PAPLN: variants seen among roughly 807,000 people sequenced by gnomAD.
The protein encoded by PAPLN is papilin, proteoglycan like sulfated glycoprotein.
PAPLN carries 146 observed loss-of-function variants against 159.0 expected under a neutral mutation model. The observed-to-expected ratio is 0.92, with a 90% CI of 0.80 to 1.05. The LOEUF (loss-of-function observed/expected upper bound fraction) is 1.05. Ranked by LOEUF, PAPLN falls within the 50% of genes least tolerant of loss-of-function variation. The probability of loss-of-function intolerance (pLI) is 0.00; values close to 1 mark genes in which losing one functional copy is unlikely to be tolerated. For synonymous variants in PAPLN, 734 were observed against 702.9 expected (o/e 1.04, Z -0.70); for missense variants, 1,720 against 1,743.9 (o/e 0.99, Z 0.24).
At chr14:73,239,941 CT>C in intron 2 of PAPLN, 109 bp downstream of exon 2, 2 of 1,449,782 alleles carry the variant, frequency 1.4e-6, no homozygotes, top group Non-Finnish European at 9.1e-7. Flanking sequence ...GTCAGGGAAG[CT>C]GGGCTGGGAG....
intron 5 of PAPLN, among the ~76,000 whole-genome samples, chr14:73,246,610 T>C (rs567607495): frequency 6.6e-6 from 1 of 150,796 alleles, no homozygotes; most frequent in Non-Finnish European, 1.5e-5. Context: ...CTTCCTTTCC[T>C]TTCCTTTTTT....
In PAPLN at chr14:73,263,998, C is replaced by G. The variant is rs902642151; in HGVS notation, c.2862-213C>G. Reference sequence around the variant, plus strand: ...CAGGTGTGTGTGACAGCCCCCCGACCTCCTCTGACAGGTTCACGTGACAGC... The same window carrying G: ...CAGGTGTGTGTGACAGCCCCCCGACGTCCTCTGACAGGTTCACGTGACAGC... On this transcript the variant is annotated intron_variant, in intron 20 of 26. Coordinates refer to ENST00000644200, the MANE Select transcript of PAPLN (RefSeq NM_001365906.3). 5.9e-5 allele frequency: 89 copies of G among 1,514,930 alleles called. 1 individual carries two copies. Among genetic ancestry groups the G allele is most frequent in the Non-Finnish European group, 7.6e-5 (86 of 1,135,464 alleles). The allele number at this position is 1,514,930 out of a possible 1,614,324, so 93.8% of individuals were successfully genotyped here. A position where few individuals can be genotyped will look rare whatever the true frequency, so the allele number is the denominator to read the frequency against.
chr14:73,245,358 CG>C lies in PAPLN; in HGVS notation c.171-275del. ...GGTGGGTATTATATCTCATGCACCT[CG>C]GGTCTTCTCTGGGAATCTGCCTAAG... On this transcript the variant is annotated intron_variant, in intron 3 of 26. Transcript: ENST00000644200. The surrounding 1 kb of genome is among the most constrained non-coding windows in gnomAD (Gnocchi z 4.2). 1 of 490,516 alleles carries C rather than the reference CG, an allele frequency of 2.0e-6. No individual in the cohort carries two copies. Among genetic ancestry groups the C allele is most frequent in the Non-Finnish European group, 3.7e-6 (1 of 271,322 alleles). The allele number at this position is 490,516 out of a possible 1,614,324, so 30.4% of individuals were successfully genotyped here.
chr14:73,239,489 T>A, intron 1 of PAPLN: 1 of 446,624 alleles, frequency 2.2e-6, no homozygotes, highest in South Asian at 4.2e-5. Flanking sequence ...GAAGTATTTT[T>A]AATTGCTCTC....
In PAPLN at chr14:73,261,268, A is replaced by G. The variant is rs749685493; in HGVS notation, c.2219A>G (p.Glu740Gly). 2 of 1,613,576 alleles carry G rather than the reference A, an allele frequency of 1.2e-6. No individual in the cohort carries two copies. Among genetic ancestry groups the G allele is most frequent in the Non-Finnish European group, 1.7e-6 (2 of 1,179,952 alleles). Residue 740 changes from glutamate (E) to glycine (G), a missense_variant, in exon 18 of 27, where the codon GAA (glutamate) becomes GGA (glycine). Coordinates refer to ENST00000644200, the MANE Select transcript of PAPLN (RefSeq NM_001365906.3). Reference protein sequence around the residue: ...NVATAAGPLGEGCVGQPSHAY... With the variant: ...NVATAAGPLGGGCVGQPSHAY... ...GCCACTGCAGCCGGTCCTCTTGGGG[A>G]AGGCTGTGTGGGCCAGCCCAGCCAT...
At chr14:73,253,249 C>T in intron 11 of PAPLN, 1 of 1,357,512 alleles carries the variant, frequency 7.4e-7, no homozygotes, top group Non-Finnish European at 9.7e-7. Context: ...TCACAGGCTC[C>T]CCGCAGGGCT....
chr14:73,267,706 G>A (rs770972804), intron 25 of PAPLN, among the ~76,000 whole-genome samples: 4 of 152,212 alleles, frequency 2.6e-5, no homozygotes, highest in Non-Finnish European at 2.9e-5. Flanking sequence ...CAGGGAAGGC[G>A]GTGGGAGCCG....
rs905971758 is a variant in PAPLN, at chr14:73,273,922, C to T, written c.*1258C>T. The T allele has an allele frequency of 1.3e-5, 2 of 152,188 alleles. No individual in the cohort carries two copies. Among genetic ancestry groups the T allele is most frequent in the Non-Finnish European group, 2.9e-5 (2 of 68,032 alleles). 9.4% of individuals were successfully genotyped at this position (152,188 alleles called of 1,614,324 possible). On this transcript the variant is annotated 3_prime_UTR_variant, in exon 27 of 27. Transcript: ENST00000644200. ...GCACTGTTATCTGAGCATGAAAGAA[C>T]TGGAAACGCTCCTTACGTCGAGATG...
In PAPLN at chr14:73,246,380, G is replaced by A. The variant is rs1291655145; in HGVS notation, c.334+205G>A. 2.0e-5 allele frequency among the ~76,000 whole-genome samples: 3 copies of A among 149,522 alleles called. No homozygotes were observed. In the East Asian group the frequency reaches 5.9e-4, roughly 30 times the overall value. On this transcript the variant is annotated intron_variant, in intron 5 of 26. Coordinates refer to ENST00000644200, the MANE Select transcript of PAPLN (RefSeq NM_001365906.3). The stretch of plus-strand genomic sequence containing the variant: ...CAGAGTGCTGGGATTGCAGGCGTGA[G>A]CCACTGTACCCGACCAATTTTTTTT...
At chr14:73,259,124 T>G in intron 15 of PAPLN, 65 bp downstream of exon 15, 4 of 1,543,594 alleles carry the variant, frequency 2.6e-6, no homozygotes, top group Non-Finnish European at 3.5e-6. Flanking sequence ...GGATGGTACA[T>G]GGGGGTGTGG....
intron 14 of PAPLN, among the ~76,000 whole-genome samples, chr14:73,255,540 C>T (rs1350138773): frequency 6.6e-6 from 1 of 152,164 alleles, no homozygotes; most frequent in Non-Finnish European, 1.5e-5. Flanking sequence ...TTCCCTTCAT[C>T]CCCATCCCAC....
At chr14:73,239,936 G>A in intron 2 of PAPLN, 104 bp downstream of exon 2, 1 of 1,454,300 alleles carries the variant, frequency 6.9e-7, no homozygotes, top group Non-Finnish European at 9.0e-7. Context: ...GCGATGTCAG[G>A]GAAGCTGGGC....
Position 73,272,730 on chromosome 14 carries a change from C to A in PAPLN, c.*66C>A. 1 of 1,389,358 alleles carries A rather than the reference C, an allele frequency of 7.2e-7. No individual in the cohort carries two copies. Among genetic ancestry groups the A allele is most frequent in the South Asian group, 1.8e-5 (1 of 54,970 alleles). 86.1% of individuals were successfully genotyped at this position (1,389,358 alleles called of 1,614,324 possible). A position where few individuals can be genotyped will look rare whatever the true frequency, so the allele number is the denominator to read the frequency against. On this transcript the variant is annotated 3_prime_UTR_variant, in exon 27 of 27. Coordinates refer to ENST00000644200, the MANE Select transcript of PAPLN (RefSeq NM_001365906.3). ...AGGGCTAGGGAGAAAGGAAGATGGA[C>A]TCTTGGCTTCCTCTCTCTGGCTGGC...
Position 73,266,940 on chromosome 14 carries a change from C to T in PAPLN, c.3500+109C>T, listed in dbSNP as rs937693038. Reference sequence around the variant, plus strand: ...ACTGTCACCACTGCTTCCATTCCGGCTTCCAGGCCTGGTGCCAGGGGAGAG... The same window carrying T: ...ACTGTCACCACTGCTTCCATTCCGGTTTCCAGGCCTGGTGCCAGGGGAGAG... On this transcript the variant is annotated intron_variant, in intron 25 of 26. Coordinates refer to ENST00000644200, the MANE Select transcript of PAPLN (RefSeq NM_001365906.3). 4 of 1,085,596 alleles carry T rather than the reference C, an allele frequency of 3.7e-6. No individual in the cohort carries two copies. In the African/African-American group the frequency reaches 6.2e-5, roughly 17 times the overall value. 67.2% of individuals were successfully genotyped at this position (1,085,596 alleles called of 1,614,324 possible). A position where few individuals can be genotyped will look rare whatever the true frequency, so the allele number is the denominator to read the frequency against.
At chr14:73,261,386 C>A (rs745768102) in intron 18 of PAPLN, 92 bp downstream of exon 18, 255 of 1,487,708 alleles carry the variant, frequency 1.7e-4, no homozygotes, top group Non-Finnish European at 2.1e-4. Context: ...ACCTTCCTAC[C>A]AGCTCAGTTA....
At position 73,251,027 on chromosome 14, in the gene PAPLN, C is replaced by A. The variant is rs368827831; in HGVS notation, c.586C>A (p.Arg196=). The change falls in exon 7 of 27, where the codon CGA becomes AGA. Residue 196 remains arginine (R), a synonymous_variant. Transcript: ENST00000644200. Reference sequence around the variant, plus strand: ...CACCTTTGACGCTAATGACCTCAGCCGAGGTGGGGGTGGTTCCGACAAGGG... The same window carrying A: ...CACCTTTGACGCTAATGACCTCAGCAGAGGTGGGGGTGGTTCCGACAAGGG... The part of the protein sequence containing the change: ...AGTFDANDLS[R]GYNQILIVPM... 8 of 1,610,558 alleles carry A rather than the reference C, an allele frequency of 5.0e-6. No homozygotes were observed. Among genetic ancestry groups the A allele is most frequent in the Non-Finnish European group, 6.8e-6 (8 of 1,178,490 alleles).
intron 1 of PAPLN, among the ~76,000 whole-genome samples, chr14:73,238,466 T>C (rs984582090): frequency 2.0e-5 from 3 of 152,226 alleles, no homozygotes; most frequent in Non-Finnish European, 4.4e-5. Flanking sequence ...TTTTCAGACT[T>C]CGGAATGGCA....
At chr14:73,252,248 A>G in intron 10 of PAPLN, 107 bp downstream of exon 10, 1 of 1,405,222 alleles carries the variant, frequency 7.1e-7, no homozygotes. Flanking sequence ...CCTCCTGGGG[A>G]GATGGACAAG....
At chr14:73,253,325 T>C (rs1036581651) in intron 11 of PAPLN, 12 of 1,125,496 alleles carry the variant, frequency 1.1e-5, no homozygotes, top group Non-Finnish European at 1.4e-5. Context: ...CGGACTTGGC[T>C]TTGCATGGGG....
Sources: gnomAD v4.1 joint callset for allele counts (sites outside exome capture counted in the v4.1 genomes callset) on GRCh38, gnomAD v4.1.1 for gene constraint, Gnocchi (gnomAD v3.1) non-coding constraint, MANE v1.5 for transcripts, NCBI Gene and HGNC (gene_info 2026-07-23, HGNC 2026-07-21) for gene names.